Variants in CFAP77 observed in about 807,000 individuals in gnomAD.
The protein encoded by CFAP77 is cilia and flagella associated protein 77.
CFAP77 carries 25 observed loss-of-function variants against 31.1 expected under a neutral mutation model. That is an observed-to-expected ratio of 0.80 (90% confidence interval 0.59 to 1.12). CFAP77 has a LOEUF of 1.12. Among genes scored for constraint, CFAP77 ranks in the 50% most tolerant of loss-of-function variants. The pLI is 0.00. For missense variants in CFAP77, 377 were observed against 397.3 expected (o/e 0.95, Z 0.44); for synonymous variants, 151 against 159.9 (o/e 0.94, Z 0.42).
intron 1 of CFAP77, among the ~76,000 whole-genome samples, chr9:132,467,243 C>T (rs572540): frequency 0.39 from 59,565 of 151,930 alleles, 12,261 homozygotes; most frequent in East Asian, 0.74. Context: ...TAGGGTGTGC[C>T]GTTCCACAGT....
chr9:132,429,563 G>T (rs181544925), intron 1 of CFAP77, among the ~76,000 whole-genome samples: 2,875 of 125,072 alleles, frequency 0.023, 86 homozygotes, highest in African/African-American at 0.082. Context: ...AAAAAAAAAA[G>T]GCCGGGCCCA....
chr9:132,469,972 T>C (rs1851224446), intron 1 of CFAP77, among the ~76,000 whole-genome samples: 1 of 151,958 alleles, frequency 6.6e-6, no homozygotes, highest in African/African-American at 2.4e-5. Context: ...CCCAAGTAGC[T>C]GGGATAACAG....
At chr9:132,555,882 A>G (rs1589923968) in intron 5 of CFAP77, among the ~76,000 whole-genome samples, 1 of 152,192 alleles carries the variant, frequency 6.6e-6, no homozygotes, top group East Asian at 1.9e-4. Flanking sequence ...GCAAGTGCCA[A>G]TTAATATTTA....
At chr9:132,443,258 T>G (rs1022066804) in intron 1 of CFAP77, among the ~76,000 whole-genome samples, 11 of 144,490 alleles carry the variant, frequency 7.6e-5, no homozygotes, top group South Asian at 2.2e-4. Context: ...TTTATTTTTG[T>G]TTTTTTTTTT....
chr9:132,435,440 G>A (rs909584813), intron 1 of CFAP77, among the ~76,000 whole-genome samples: 1 of 152,174 alleles, frequency 6.6e-6, no homozygotes, highest in African/African-American at 2.4e-5. Context: ...AGTGATCTGA[G>A]ATTTTATCTC....
At chr9:132,450,229 C>T (rs894267811) in intron 1 of CFAP77, among the ~76,000 whole-genome samples, 3 of 149,862 alleles carry the variant, frequency 2.0e-5, no homozygotes, top group Admixed American at 6.7e-5. Flanking sequence ...CACGCCCGGC[C>T]GATTAAGAGT....
chr9:132,474,026 C>T (rs919177439), intron 1 of CFAP77, among the ~76,000 whole-genome samples: 2 of 152,148 alleles, frequency 1.3e-5, no homozygotes, highest in East Asian at 3.9e-4. Flanking sequence ...GATCACATTG[C>T]GTCCTCTCCT....
chr9:132,432,657 G>T (rs1047936436), intron 1 of CFAP77, among the ~76,000 whole-genome samples: 1 of 151,718 alleles, frequency 6.6e-6, no homozygotes, highest in African/African-American at 2.4e-5. Context: ...TCAGCCACCT[G>T]AGTAGCTGGG....
chr9:132,453,385 G>C (rs111774201), intron 1 of CFAP77, among the ~76,000 whole-genome samples: 3 of 150,264 alleles, frequency 2.0e-5, no homozygotes, highest in Non-Finnish European at 4.4e-5. Flanking sequence ...AATTAGCTGG[G>C]CAAGACGGCA....
At chr9:132,414,499 TCACACACACACACACACACACACACA>T (rs34016277) in intron 1 of CFAP77, among the ~76,000 whole-genome samples, 5 of 143,680 alleles carry the variant, frequency 3.5e-5, no homozygotes, top group Admixed American at 7.0e-5. Context: ...TAGCTCTTAT[TCACACACACACACACACACACACACA>T]CACACACACA....
At chr9:132,484,121 A>T (rs1410702463) in intron 1 of CFAP77, among the ~76,000 whole-genome samples, 2 of 151,936 alleles carry the variant, frequency 1.3e-5, no homozygotes, top group Non-Finnish European at 2.9e-5. Context: ...GTATTTTAAT[A>T]GAGACAGGGA....
intron 1 of CFAP77, among the ~76,000 whole-genome samples, chr9:132,459,172 T>C (rs959996158): frequency 2.0e-5 from 3 of 151,506 alleles, no homozygotes; most frequent in Non-Finnish European, 4.4e-5. Context: ...CCCAGGTTCA[T>C]GCCATTCTCC....
Position 132,455,583 on chromosome 9 carries a change from T to A in CFAP77, c.196-43112T>A, listed in dbSNP as rs928710571. Reference sequence around the variant, plus strand: ...TATCTCTACTAAAAATACAAAAAAATAGCTCTGTATGATGGTACATGCCTG... The same window carrying A: ...TATCTCTACTAAAAATACAAAAAAAAAGCTCTGTATGATGGTACATGCCTG... On this transcript the variant is annotated intron_variant, in intron 1 of 5. Transcript: ENST00000393216. This position sits in a 1 kb window ranked among gnomAD's most constrained non-coding sequence, Gnocchi z 4.1. 6.6e-6 allele frequency among the ~76,000 whole-genome samples: 1 copy of A among 150,884 alleles called. No homozygotes were observed.
intron 1 of CFAP77, among the ~76,000 whole-genome samples, chr9:132,446,218 T>C (rs1210412064): frequency 6.6e-6 from 1 of 152,118 alleles, no homozygotes; most frequent in East Asian, 1.9e-4. Context: ...CAGAAGAGCT[T>C]CCTTAAAATC....
intron 5 of CFAP77, among the ~76,000 whole-genome samples, chr9:132,547,265 C>G (rs1852747834): frequency 6.6e-6 from 1 of 152,222 alleles, no homozygotes; most frequent in Non-Finnish European, 1.5e-5. Context: ...GACCCTGCCA[C>G]ACCTACCTGT....
At chr9:132,446,812 C>T (rs1025137688) in intron 1 of CFAP77, among the ~76,000 whole-genome samples, 1 of 150,882 alleles carries the variant, frequency 6.6e-6, no homozygotes, top group African/African-American at 2.4e-5. Flanking sequence ...TGTGGGAAAG[C>T]ATGCCAAATG....
chr9:132,422,774 A>T (rs1850242367), intron 1 of CFAP77, among the ~76,000 whole-genome samples: 1 of 152,130 alleles, frequency 6.6e-6, no homozygotes, highest in Non-Finnish European at 1.5e-5. Context: ...TGCAGCAACC[A>T]CACCTCCTTC....
intron 3 of CFAP77, among the ~76,000 whole-genome samples, chr9:132,506,460 G>T (rs540757647): frequency 6.6e-6 from 1 of 152,174 alleles, no homozygotes; most frequent in East Asian, 1.9e-4. Flanking sequence ...GGGAGGGGAG[G>T]AGCAGGGAGG....
intron 5 of CFAP77, among the ~76,000 whole-genome samples, chr9:132,568,929 G>C (rs536964030): frequency 4.6e-5 from 7 of 152,156 alleles, no homozygotes; most frequent in Non-Finnish European, 8.8e-5. Flanking sequence ...CTAACTCCTG[G>C]GCTCAAGCAA....
Sources: allele counts gnomAD v4.1 joint callset (sites outside exome capture counted in the v4.1 genomes callset), GRCh38; gene constraint gnomAD v4.1.1; non-coding constraint Gnocchi (gnomAD v3.1); transcripts MANE v1.5; gene names NCBI Gene and HGNC (gene_info 2026-07-23, HGNC 2026-07-21).